The following GALNTL6 variants were observed in gnomAD, a reference collection of about 807,000 sequenced individuals.
The protein encoded by GALNTL6 is polypeptide N-acetylgalactosaminyltransferase like 6.
A neutral mutation model predicts 73.7 loss-of-function variants in GALNTL6; 46 were observed. The observed-to-expected ratio is 0.62, with a 90% confidence interval of 0.49 to 0.80. The LOEUF is 0.80. GALNTL6 is among the 30% of genes least tolerant of loss of function. The pLI is 0.00. For missense variants in GALNTL6, 604 were observed against 755.0 expected (o/e 0.80, Z 2.34); for synonymous variants, 259 against 263.7 (o/e 0.98, Z 0.17).
intron 9 of GALNTL6, among the ~76,000 whole-genome samples, chr4:172,931,740 G>C (rs1374259293): frequency 2.0e-5 from 3 of 152,146 alleles, no homozygotes; most frequent in Non-Finnish European, 2.9e-5. Context: ...TTCATAACTA[G>C]GGCCAGCTCT....
chr4:172,137,862 G>T (rs929414914), intron 2 of GALNTL6, among the ~76,000 whole-genome samples: 1 of 152,132 alleles, frequency 6.6e-6, no homozygotes, highest in Non-Finnish European at 1.5e-5. Context: ...CATAGAATAG[G>T]AAATCCAGTG....
At chr4:172,447,594 A>C (rs1312873217) in intron 5 of GALNTL6, among the ~76,000 whole-genome samples, 6 of 152,180 alleles carry the variant, frequency 3.9e-5, no homozygotes, top group South Asian at 2.1e-4. Context: ...TATAAATGTA[A>C]ATGATAGTTT....
At chr4:172,647,644 TG>T (rs1740299276) in intron 5 of GALNTL6, among the ~76,000 whole-genome samples, 1 of 152,162 alleles carries the variant, frequency 6.6e-6, no homozygotes, top group Admixed American at 6.6e-5. Context: ...TATTTAACTT[TG>T]CATGGATTTC....
intron 5 of GALNTL6, among the ~76,000 whole-genome samples, chr4:172,527,085 A>G (rs1271426228): frequency 6.6e-6 from 1 of 152,208 alleles, no homozygotes; most frequent in African/African-American, 2.4e-5. Flanking sequence ...TACATACAGT[A>G]TAACCACAGA....
intron 5 of GALNTL6, among the ~76,000 whole-genome samples, chr4:172,414,202 A>T (rs764433447): frequency 2.6e-5 from 4 of 152,152 alleles, no homozygotes; most frequent in Non-Finnish European, 5.9e-5. Context: ...CTTATCATTG[A>T]TTAGCTCTGT....
chr4:172,127,115 C>T (rs1733319177), intron 2 of GALNTL6, among the ~76,000 whole-genome samples: 1 of 152,248 alleles, frequency 6.6e-6, no homozygotes, highest in East Asian at 1.9e-4. Flanking sequence ...TCCCCAATAG[C>T]AGGGCCGCAG....
intron 8 of GALNTL6, among the ~76,000 whole-genome samples, chr4:172,924,676 T>C (rs1579661211): frequency 6.6e-6 from 1 of 152,076 alleles, no homozygotes; most frequent in Non-Finnish European, 1.5e-5. Flanking sequence ...GGAAACCTGA[T>C]CCTTCCTAAG....
chr4:172,804,434 G>A (rs540614356), intron 5 of GALNTL6, among the ~76,000 whole-genome samples: 57 of 152,310 alleles, frequency 3.7e-4, no homozygotes, highest in Middle Eastern at 6.8e-3. Flanking sequence ...CCATAGGTAT[G>A]TACTTAAACA....
intron 8 of GALNTL6, among the ~76,000 whole-genome samples, chr4:172,898,784 C>T (rs986636004): frequency 6.6e-6 from 1 of 152,180 alleles, no homozygotes; most frequent in East Asian, 1.9e-4. Flanking sequence ...ATCTTATGCC[C>T]AATTTCTGCC....
chr4:172,354,022 A>G (rs1742059699), intron 5 of GALNTL6, among the ~76,000 whole-genome samples: 1 of 152,156 alleles, frequency 6.6e-6, no homozygotes, highest in Non-Finnish European at 1.5e-5. Flanking sequence ...GGAAGATATC[A>G]GTGTGAAAAA....
At chr4:172,684,493 T>C (rs60306586) in intron 5 of GALNTL6, among the ~76,000 whole-genome samples, 3,266 of 152,130 alleles carry the variant, frequency 0.021, 111 homozygotes, top group African/African-American at 0.074. Context: ...ATACAATCAA[T>C]TAGATGACAC....
chr4:172,494,853 C>T (rs1225941522), intron 5 of GALNTL6, among the ~76,000 whole-genome samples: 3 of 152,184 alleles, frequency 2.0e-5, no homozygotes, highest in African/African-American at 7.2e-5. Flanking sequence ...GGTGCCCACC[C>T]GTATTGAGGG....
chr4:172,299,761 G>A (rs199503304), intron 3 of GALNTL6, among the ~76,000 whole-genome samples: 24 of 152,014 alleles, frequency 1.6e-4, no homozygotes, highest in Admixed American at 5.3e-4. Flanking sequence ...GTTCTTTTAC[G>A]TTTGCTGAGG....
intron 5 of GALNTL6, among the ~76,000 whole-genome samples, chr4:172,607,007 A>G (rs1465575205): frequency 1.3e-5 from 2 of 151,988 alleles, no homozygotes; most frequent in African/African-American, 4.8e-5. Context: ...TCTAGTAGTC[A>G]GTGGGAATGT....
intron 2 of GALNTL6, among the ~76,000 whole-genome samples, chr4:172,009,010 T>G (rs1740920413): frequency 6.6e-6 from 1 of 152,016 alleles, no homozygotes; most frequent in Non-Finnish European, 1.5e-5. Flanking sequence ...AGAGAGAAAA[T>G]TGGGCATATT....
At chr4:171,981,903 TA>T (rs1207550644) in intron 2 of GALNTL6, among the ~76,000 whole-genome samples, 1 of 151,866 alleles carries the variant, frequency 6.6e-6, no homozygotes, top group Non-Finnish European at 1.5e-5. Context: ...AAAATGTAAA[TA>T]TTTATATATA....
At chr4:172,144,270 G>T (rs1733871446) in intron 2 of GALNTL6, among the ~76,000 whole-genome samples, 1 of 152,120 alleles carries the variant, frequency 6.6e-6, no homozygotes, top group Admixed American at 6.5e-5. Context: ...GATGTAAATA[G>T]AAATAAAATA....
chr4:172,298,308 A>G (rs1199404089), intron 3 of GALNTL6, among the ~76,000 whole-genome samples: 2 of 152,204 alleles, frequency 1.3e-5, no homozygotes, highest in Non-Finnish European at 2.9e-5. Context: ...AACAGGGACA[A>G]TTCGACTTCC....
At chr4:172,305,588 T>A (rs1304026458) in intron 3 of GALNTL6, among the ~76,000 whole-genome samples, 1 of 149,304 alleles carries the variant, frequency 6.7e-6, no homozygotes, top group African/African-American at 2.4e-5. Flanking sequence ...AAACATACAA[T>A]TTTTTTTTTG....
Sources: gnomAD v4.1 joint callset for allele counts (sites outside exome capture counted in the v4.1 genomes callset) on GRCh38, gnomAD v4.1.1 for gene constraint, MANE v1.5 for transcripts, NCBI Gene and HGNC (gene_info 2026-07-23, HGNC 2026-07-21) for gene names.